Variants in PCDH9 observed in about 807,000 individuals in gnomAD.
The protein encoded by PCDH9 is protocadherin-9.
In PCDH9, 24 loss-of-function variants were observed where a neutral mutation model predicts 70.6. The ratio of observed to expected loss-of-function variants is 0.34; its 90% CI spans 0.25 to 0.48. The LOEUF (loss-of-function observed/expected upper bound fraction) is 0.48. PCDH9 is among the 20% of genes least tolerant of loss of function. The pLI, the probability that PCDH9 is intolerant of heterozygous loss-of-function variation, is 0.99. For synonymous variants in PCDH9, 562 were observed against 558.5 expected (o/e 1.01, Z -0.09); for missense variants, 1,281 against 1,503.6 (o/e 0.85, Z 2.45).
intron 3 of PCDH9, among the ~76,000 whole-genome samples, chr13:66,823,493 C>T (rs1054906483): frequency 2.6e-4 from 39 of 151,656 alleles, no homozygotes; most frequent in African/African-American, 9.4e-4. Flanking sequence ...TATATGCAGA[C>T]ACTAATATAT....
chr13:66,750,014 A>T (rs1566169112), intron 3 of PCDH9, among the ~76,000 whole-genome samples: 1 of 152,220 alleles, frequency 6.6e-6, no homozygotes. Context: ...AGAATAAAGG[A>T]TCATGAATAA....
intron 2 of PCDH9, among the ~76,000 whole-genome samples, chr13:67,089,699 T>C (rs969783868): frequency 6.6e-6 from 1 of 152,062 alleles, no homozygotes; most frequent in Admixed American, 6.6e-5. Flanking sequence ...AAACAATGTT[T>C]TAAAAGACCT....
intron 2 of PCDH9, among the ~76,000 whole-genome samples, chr13:66,967,047 A>C (rs1006165339): frequency 6.6e-6 from 1 of 152,088 alleles, no homozygotes; most frequent in Non-Finnish European, 1.5e-5. Flanking sequence ...AAAAGGAACA[A>C]GGAAGGAGGA....
intron 4 of PCDH9, among the ~76,000 whole-genome samples, chr13:66,343,903 T>C (rs528314617): frequency 1.4e-4 from 22 of 152,194 alleles, no homozygotes; most frequent in Non-Finnish European, 3.1e-4. Context: ...AAATAAGCTT[T>C]GAAATCATCT....
chr13:66,458,258 A>G (rs1348985717), intron 4 of PCDH9, among the ~76,000 whole-genome samples: 1 of 152,056 alleles, frequency 6.6e-6, no homozygotes, highest in Admixed American at 6.6e-5. Context: ...TGGTCATTTT[A>G]GATCATAATT....
intron 4 of PCDH9, among the ~76,000 whole-genome samples, chr13:66,344,604 T>C (rs1956185371): frequency 6.6e-6 from 1 of 152,186 alleles, no homozygotes; most frequent in African/African-American, 2.4e-5. Context: ...ACTAGGGCAA[T>C]ATGTTTCACT....
chr13:66,304,459 A>G lies in PCDH9; in HGVS notation c.*196T>C, dbSNP rs552089890. On this transcript the variant is annotated 3_prime_UTR_variant, in exon 5 of 5. Transcript: ENST00000377865. ...TCTGGAGAGTGTAATCAATTCTAGT[A>G]AACAAAATTGCATGGCTAGAACTAT... 1.8e-6 allele frequency: 1 copy of G among 551,914 alleles called. No individual in the cohort carries two copies. Among genetic ancestry groups the G allele is most frequent in the Admixed American group, 3.1e-5 (1 of 32,342 alleles). The allele number at this position is 551,914 out of a possible 1,614,324, so 34.2% of individuals were successfully genotyped here.
intron 2 of PCDH9, among the ~76,000 whole-genome samples, chr13:67,171,846 A>G (rs2088295086): frequency 6.6e-6 from 1 of 152,198 alleles, no homozygotes; most frequent in Admixed American, 6.5e-5. Context: ...AGTTCCTAAC[A>G]GCAGAGCACA....
At chr13:66,663,533 C>T (rs1566490225) in intron 3 of PCDH9, among the ~76,000 whole-genome samples, 3 of 152,152 alleles carry the variant, frequency 2.0e-5, no homozygotes, top group Admixed American at 2.0e-4. Context: ...AGAAAAGTGA[C>T]CTATGTTCTA....
At chr13:66,784,513 GTTTAGGTAAAT>G (rs1282406725) in intron 3 of PCDH9, among the ~76,000 whole-genome samples, 1 of 152,104 alleles carries the variant, frequency 6.6e-6, no homozygotes, top group East Asian at 1.9e-4. Flanking sequence ...CTTAGTTTAC[GTTTAGGTAAAT>G]AATCCTCTAT....
chr13:66,764,365 G>A (rs973019363), intron 3 of PCDH9, among the ~76,000 whole-genome samples: 4 of 151,846 alleles, frequency 2.6e-5, no homozygotes, highest in African/African-American at 9.7e-5. Flanking sequence ...CGAAGAGCTT[G>A]TGACTTAGAC....
chr13:66,647,424 A>G (rs2077786935), intron 3 of PCDH9, among the ~76,000 whole-genome samples: 1 of 152,128 alleles, frequency 6.6e-6, no homozygotes, highest in Non-Finnish European at 1.5e-5. Context: ...CTCCCAGATG[A>G]CATTTCTAGA....
At chr13:67,030,489 C>G (rs537038811) in intron 2 of PCDH9, among the ~76,000 whole-genome samples, 4 of 151,790 alleles carry the variant, frequency 2.6e-5, no homozygotes. Context: ...CCCCCACCAC[C>G]GACCCCCACC....
intron 3 of PCDH9, among the ~76,000 whole-genome samples, chr13:66,874,337 T>G (rs2081757416): frequency 6.6e-6 from 1 of 152,220 alleles, no homozygotes; most frequent in Admixed American, 6.5e-5. Context: ...TCTTTGGCTC[T>G]AACTCATATT....
At chr13:66,687,166 T>C (rs1462206239) in intron 3 of PCDH9, among the ~76,000 whole-genome samples, 1 of 152,170 alleles carries the variant, frequency 6.6e-6, no homozygotes, top group Admixed American at 6.5e-5. Flanking sequence ...TTTGTTTGTA[T>C]GTCCAAACTG....
intron 3 of PCDH9, among the ~76,000 whole-genome samples, chr13:66,676,248 A>T (rs745596878): frequency 4.6e-5 from 7 of 152,146 alleles, no homozygotes; most frequent in Admixed American, 6.6e-5. Flanking sequence ...TTTGAAAAAT[A>T]GTGAAAAAGT....
At chr13:66,408,100 G>T (rs1487150719) in intron 4 of PCDH9, among the ~76,000 whole-genome samples, 2 of 143,580 alleles carry the variant, frequency 1.4e-5, no homozygotes, top group South Asian at 2.2e-4. Context: ...CGCCCAGGCC[G>T]GACTGCGGAC....
At chr13:66,866,187 T>A (rs1213964916) in intron 3 of PCDH9, among the ~76,000 whole-genome samples, 1 of 152,138 alleles carries the variant, frequency 6.6e-6, no homozygotes, top group Non-Finnish European at 1.5e-5. Flanking sequence ...GAGACAAAAA[T>A]GTAAAACTTG....
chr13:66,453,049 G>T (rs1005499272), intron 4 of PCDH9, among the ~76,000 whole-genome samples: 1 of 151,988 alleles, frequency 6.6e-6, no homozygotes, highest in Non-Finnish European at 1.5e-5. Flanking sequence ...CACAGCACAG[G>T]ATAAGACATT....
Sources: gnomAD v4.1 joint callset for allele counts (sites outside exome capture counted in the v4.1 genomes callset) on GRCh38, gnomAD v4.1.1 for gene constraint, MANE v1.5 for transcripts, NCBI Gene and HGNC (gene_info 2026-07-23, HGNC 2026-07-21) for gene names.